SHMT1: variants seen among roughly 807,000 people sequenced by gnomAD.
SHMT1 encodes the protein serine hydroxymethyltransferase, cytosolic.
SHMT1 carries 45 observed loss-of-function variants against 49.0 expected under a neutral mutation model. The ratio of observed to expected loss-of-function variants is 0.92; its 90% CI spans 0.72 to 1.18. SHMT1 has a LOEUF of 1.18. SHMT1 is among the 50% of genes most tolerant of loss of function. The pLI is 0.00. For missense variants in SHMT1, 541 were observed against 612.4 expected (o/e 0.88, Z 1.23); for synonymous variants, 232 against 246.6 (o/e 0.94, Z 0.55).
chr17:18,348,182 A>T, intron 4 of SHMT1, 143 bp downstream of exon 4: 1 of 697,642 alleles, frequency 1.4e-6, no homozygotes. Context: ...CGCCTCCCAA[A>T]GTGCTGGGAT....
chr17:18,336,957 T>C (rs1274124610), intron 7 of SHMT1, among the ~76,000 whole-genome samples: 1 of 151,970 alleles, frequency 6.6e-6, no homozygotes, highest in Non-Finnish European at 1.5e-5. Flanking sequence ...AAAAATAAAA[T>C]TTAAAGAGTC....
Position 18,328,916 on chromosome 17 carries a change from A to G in SHMT1, c.1286T>C (p.Ile429Thr). 1 of 1,613,796 alleles carries G rather than the reference A, an allele frequency of 6.2e-7. No homozygotes were observed. Among genetic ancestry groups the G allele is most frequent in the Admixed American group, 1.7e-5 (1 of 60,014 alleles). The change falls in exon 12 of 12, where the codon ATA (isoleucine) becomes ACA (threonine). Residue 429 changes from isoleucine to threonine, a missense_variant. Ile to Thr is a moderately conservative substitution (Grantham distance 89). Coordinates refer to ENST00000316694, the MANE Select transcript of SHMT1 (RefSeq NM_004169.5). The stretch of plus-strand genomic sequence containing the variant: ...GCTCTGGATCTGCAGGGTCAGCTCT[A>G]TCCCTGTGCCACAAGACACAAATGA... ...QKVAHFIHRG[I>T]ELTLQIQSDT...
intron 10 of SHMT1, 108 bp from the exon 11 acceptor site, chr17:18,329,496 G>T: frequency 1.2e-6 from 1 of 851,648 alleles, no homozygotes; most frequent in Non-Finnish European, 1.9e-6. Flanking sequence ...GAGGATACTG[G>T]CTGTCCCTAG....
chr17:18,332,770 C>T (rs889688368), intron 9 of SHMT1: 2 of 323,688 alleles, frequency 6.2e-6, no homozygotes, highest in Non-Finnish European at 1.2e-5. Flanking sequence ...ACCCCCAGCT[C>T]AGCGGGGTGA....
In SHMT1 at chr17:18,340,947, G is replaced by T; in HGVS notation, c.520-134C>A. ...TAGATGAGGACTTGAGGGTGAGACA[G>T]GATGGATACTGGTGTGTTCAGCCTG... is the stretch of plus-strand genomic sequence containing the variant. On this transcript the variant is annotated intron_variant, in intron 5 of 11. Transcript: ENST00000316694. This position sits in a 1 kb window ranked among gnomAD's most constrained non-coding sequence, Gnocchi z 4.5. 1.4e-6 allele frequency: 1 copy of T among 720,230 alleles called. No individual in the cohort carries two copies. The highest frequency in any genetic ancestry group is 2.5e-6 in the Non-Finnish European group (1 of 401,502). 44.6% of individuals were successfully genotyped at this position (720,230 alleles called of 1,614,324 possible). A position where few individuals can be genotyped will look rare whatever the true frequency, so the allele number is the denominator to read the frequency against.
chr17:18,339,136 G>C (rs1349091806), intron 7 of SHMT1, among the ~76,000 whole-genome samples: 1 of 150,166 alleles, frequency 6.7e-6, no homozygotes, highest in African/African-American at 2.5e-5. Context: ...TGGCGCATCA[G>C]GTCTCACCAC....
chr17:18,353,609 C>G, intron 3 of SHMT1, 63 bp downstream of exon 3: 1 of 1,559,826 alleles, frequency 6.4e-7, no homozygotes, highest in South Asian at 1.1e-5. Context: ...TGTTTAGGTC[C>G]TAGGCTGACT....
At chr17:18,350,066 C>T (rs866298303) in intron 3 of SHMT1, among the ~76,000 whole-genome samples, 9 of 152,136 alleles carry the variant, frequency 5.9e-5, no homozygotes, top group Admixed American at 2.6e-4. Context: ...CGGTGGCTCA[C>T]GCCTGTAATC....
intron 9 of SHMT1, chr17:18,332,709 C>A: frequency 3.6e-6 from 1 of 275,178 alleles, no homozygotes; most frequent in South Asian, 3.9e-5. Flanking sequence ...ATGCCTAAAG[C>A]AAGCCAACTC....
chr17:18,340,392 AT>A lies in SHMT1; in HGVS notation c.602-138del. 1 of 947,516 alleles carries A rather than the reference AT, an allele frequency of 1.1e-6. No individual in the cohort carries two copies. The highest frequency in any genetic ancestry group is 1.4e-5 in the South Asian group (1 of 72,600). 58.7% of individuals were successfully genotyped at this position (947,516 alleles called of 1,614,324 possible). On this transcript the variant is annotated intron_variant, in intron 6 of 11. Transcript: ENST00000316694. This position sits in a 1 kb window ranked among gnomAD's most constrained non-coding sequence, Gnocchi z 4.5. The stretch of plus-strand genomic sequence containing the variant: ...TAAAGTCTCAGAGCAAAAATGGAGA[AT>A]GCCCTCAAAAAGCACCTCTGTGCTA...
chr17:18,361,785 C>CA (rs754941626), intron 1 of SHMT1, among the ~76,000 whole-genome samples: 2,164 of 86,188 alleles, frequency 0.025, 55 homozygotes, highest in East Asian at 0.17. Flanking sequence ...GACTCCGTCT[C>CA]AAAAAAAAAA....
At chr17:18,358,415 G>C (rs1287181046) in intron 1 of SHMT1, among the ~76,000 whole-genome samples, 1 of 150,552 alleles carries the variant, frequency 6.6e-6, no homozygotes, top group South Asian at 2.1e-4. Context: ...ACTTGAACCT[G>C]GGAGTCAGAG....
At chr17:18,357,241 A>G (rs1052596522) in intron 1 of SHMT1, among the ~76,000 whole-genome samples, 5 of 137,844 alleles carry the variant, frequency 3.6e-5, no homozygotes, top group African/African-American at 1.4e-4. Flanking sequence ...AGATCACACC[A>G]CTGCACTCCA....
intron 7 of SHMT1, among the ~76,000 whole-genome samples, chr17:18,337,744 G>A (rs1474724312): frequency 8.5e-5 from 13 of 152,208 alleles, no homozygotes; most frequent in African/African-American, 1.9e-4. Flanking sequence ...ACTGGTTTTC[G>A]TATTTTTTTG....
In SHMT1 at chr17:18,348,452, G is replaced by T; in HGVS notation, c.243-12C>A. 6.3e-7 allele frequency: 1 copy of T among 1,583,130 alleles called. No homozygotes were observed. The highest frequency in any genetic ancestry group is 1.1e-5 in the South Asian group (1 of 90,442). ...TCCCGCCATAGTATCTGTGGGAGAA[G>T]AGCAGGAGACTTAGATCCACTCAGA... On this transcript the variant is annotated splice_polypyrimidine_tract_variant and intron_variant, in intron 3 of 11. Transcript: ENST00000316694.
chr17:18,340,668 T>C lies in SHMT1; in HGVS notation c.601+64A>G, dbSNP rs1204796519. 2 of 1,430,378 alleles carry C rather than the reference T, an allele frequency of 1.4e-6. No individual in the cohort carries two copies. The highest frequency in any genetic ancestry group is 4.9e-5 in the East Asian group (2 of 41,190). The allele number at this position is 1,430,378 out of a possible 1,614,324, so 88.6% of individuals were successfully genotyped here. ...TCAACAGGGTGCGAACATCTTTCCATCCTCATTCTGTAAGAGGCACCAGGC... is the reference window on the plus strand; with the variant it reads ...TCAACAGGGTGCGAACATCTTTCCACCCTCATTCTGTAAGAGGCACCAGGC... On this transcript the variant is annotated intron_variant, in intron 6 of 11. Coordinates refer to ENST00000316694, the MANE Select transcript of SHMT1 (RefSeq NM_004169.5). The surrounding 1 kb of genome is among the most constrained non-coding windows in gnomAD (Gnocchi z 4.5).
At chr17:18,354,021 G>A (rs563733701) in intron 2 of SHMT1, among the ~76,000 whole-genome samples, 40 of 152,326 alleles carry the variant, frequency 2.6e-4, no homozygotes, top group Middle Eastern at 3.4e-3. Flanking sequence ...GGTGGCTCAC[G>A]ACTGTAATCC....
At chr17:18,345,565 C>T (rs916856747) in intron 5 of SHMT1, among the ~76,000 whole-genome samples, 5 of 151,178 alleles carry the variant, frequency 3.3e-5, no homozygotes, top group East Asian at 1.9e-4. Flanking sequence ...TTAGTAGAGA[C>T]GGGGTTTCAC....
At chr17:18,351,469 C>T (rs1446951091) in intron 3 of SHMT1, among the ~76,000 whole-genome samples, 2 of 150,114 alleles carry the variant, frequency 1.3e-5, no homozygotes, top group East Asian at 4.2e-4. Context: ...TAAAAGAGCC[C>T]TTTAATTGGC....
Sources: allele counts gnomAD v4.1 joint callset (sites outside exome capture counted in the v4.1 genomes callset), GRCh38; gene constraint gnomAD v4.1.1; non-coding constraint Gnocchi (gnomAD v3.1); transcripts MANE v1.5; gene names NCBI Gene and HGNC (gene_info 2026-07-23, HGNC 2026-07-21).